RESF1: variants seen among roughly 807,000 people sequenced by gnomAD.
The protein encoded by RESF1 is gonad expressed transcript.
A neutral mutation model predicts 134.7 loss-of-function variants in RESF1; 65 were observed. That is an observed-to-expected ratio of 0.48 (90% CI 0.40 to 0.59). The LOEUF (loss-of-function observed/expected upper bound fraction) is 0.59. Among genes scored for constraint, RESF1 ranks in the 20% least tolerant of loss-of-function variants. The pLI, the probability that RESF1 is intolerant of heterozygous loss-of-function variation, is 0.00. For synonymous variants in RESF1, 762 were observed against 702.2 expected, an observed-to-expected ratio of 1.09 and a Z score of -1.35; for missense variants, 2,274 against 2,002.7, an observed-to-expected ratio of 1.14 and a Z score of -2.59.
intron 2 of RESF1, among the ~76,000 whole-genome samples, chr12:31,967,348 A>G (rs1311620959): frequency 6.6e-6 from 1 of 152,220 alleles, no homozygotes; most frequent in Non-Finnish European, 1.5e-5. Context: ...CTTAAATGAG[A>G]TAAAAGTATA....
In RESF1 at chr12:31,984,944, A is replaced by ACTCACGTC. The variant is rs1939926843; in HGVS notation, c.3991_3998dup (p.Leu1334HisfsTer4). 1 of 1,613,348 alleles carries ACTCACGTC rather than the reference A, an allele frequency of 6.2e-7. No homozygotes were observed. Among genetic ancestry groups the ACTCACGTC allele is most frequent in the South Asian group, 1.1e-5 (1 of 90,742 alleles). On this transcript the variant is annotated frameshift_variant, in exon 4 of 6. Transcript: ENST00000312561. LOFTEE classifies it high-confidence loss of function. ...CGACAGAAGAAACATGTAACACAGAACTCACGTCCACTAAAAACAAAAACA... is the reference window on the plus strand; with the variant it reads ...CGACAGAAGAAACATGTAACACAGAACTCACGTCCTCACGTCCACTAAAAACAAAAACA...
intron 2 of RESF1, among the ~76,000 whole-genome samples, chr12:31,968,450 CTT>C (rs34647835): frequency 0.42 from 58,631 of 140,246 alleles, 11,639 homozygotes; most frequent in Middle Eastern, 0.48. Context: ...TAGGACTTCT[CTT>C]TTTTTTTTTT....
chr12:31,974,720 C>T (rs1019806577), intron 3 of RESF1, among the ~76,000 whole-genome samples: 5 of 152,050 alleles, frequency 3.3e-5, no homozygotes, highest in Admixed American at 1.3e-4. Context: ...ACTCTCTCCT[C>T]CAAGTTGACG....
At chr12:31,978,663 A>G (rs1592257821) in intron 3 of RESF1, among the ~76,000 whole-genome samples, 1 of 151,146 alleles carries the variant, frequency 6.6e-6, no homozygotes, top group African/African-American at 2.4e-5. Flanking sequence ...CTCCTGCCTC[A>G]GCCTCCTGAG....
At position 31,992,362 on chromosome 12, in the gene RESF1, T is replaced by G. The variant is rs1179984656; in HGVS notation, c.5087-16T>G. The G allele has an allele frequency of 4.4e-6, 7 of 1,590,766 alleles. No individual in the cohort carries two copies. Among genetic ancestry groups the G allele is most frequent in the Non-Finnish European group, 6.0e-6 (7 of 1,167,040 alleles). On this transcript the variant is annotated splice_polypyrimidine_tract_variant and intron_variant, in intron 5 of 5. Transcript: ENST00000312561. ...ACATTGAGAAATAAAGTAAGTAAAG[T>G]TTTTATTTCCCTTAGATAATGTTAA...
Position 31,983,145 on chromosome 12 carries a change from T to G in RESF1, c.2190T>G (p.Ser730Arg). ...ATTCAAATTCTCAGAATAAAATAAGTAATCCCTCACAGCAGACAGCTTTGT... is the reference window on the plus strand; with the variant it reads ...ATTCAAATTCTCAGAATAAAATAAGGAATCCCTCACAGCAGACAGCTTTGT... Reference protein sequence around the residue: ...VGNSNSQNKISNPSQQTALSM... With the variant: ...VGNSNSQNKIRNPSQQTALSM... Residue 730 changes from serine (S) to arginine (R), a missense_variant, in exon 4 of 6, where the codon AGT becomes AGG. Transcript: ENST00000312561. 1.9e-6 allele frequency: 3 copies of G among 1,611,588 alleles called. No homozygotes were observed. The highest frequency in any genetic ancestry group is 2.5e-6 in the Non-Finnish European group (3 of 1,179,098).
rs371644477 is a variant in RESF1, at chr12:31,981,347, A to T, written c.392A>T (p.His131Leu). Reference sequence around the variant, plus strand: ...CCAATGAGGAATCCTGTGCATTCTCATATAGGGGCAACTGTATCTCATCAA... The same window carrying T: ...CCAATGAGGAATCCTGTGCATTCTCTTATAGGGGCAACTGTATCTCATCAA... The part of the protein sequence containing the change: ...NSPMRNPVHS[H>L]IGATVSHQTD... Residue 131 changes from histidine to leucine, a missense_variant, in exon 4 of 6, where the codon CAT (histidine) becomes CTT (leucine). Physicochemically the swap from His to Leu is moderately conservative, Grantham distance 99. Transcript: ENST00000312561. 12 of 1,614,038 alleles carry T rather than the reference A, an allele frequency of 7.4e-6. No homozygotes were observed. Among genetic ancestry groups the T allele is most frequent in the African/African-American group, 1.3e-5 (1 of 74,944 alleles).
Position 31,962,245 on chromosome 12 carries a change from GT to G in RESF1, c.-247+1375del, listed in dbSNP as rs1939289538. ...TAAAAAAAAAAAAAAAAAAGCATTT[GT>G]GAAGGTGAATTTCAAGAATCTAATC... On this transcript the variant is annotated intron_variant, in intron 2 of 5. Coordinates refer to ENST00000312561, the MANE Select transcript of RESF1 (RefSeq NM_018169.4). Among the ~76,000 whole-genome samples the G allele has an allele frequency of 2.0e-5, 3 of 148,930 alleles. No individual in the cohort carries two copies. In the South Asian group the frequency reaches 6.4e-4, roughly 32 times the overall value.
intron 3 of RESF1, among the ~76,000 whole-genome samples, 176 bp downstream of exon 3, chr12:31,970,532 C>A (rs1252808333): frequency 6.6e-6 from 1 of 152,160 alleles, no homozygotes; most frequent in Non-Finnish European, 1.5e-5. Flanking sequence ...TTTTGATGCT[C>A]TTTTAGGTAT....
intron 3 of RESF1, among the ~76,000 whole-genome samples, chr12:31,972,180 G>A (rs1304421307): frequency 6.6e-6 from 1 of 152,150 alleles, no homozygotes; most frequent in African/African-American, 2.4e-5. Context: ...AACTGATAAG[G>A]TGTTTCCCTG....
chr12:31,965,258 G>T (rs946112827), intron 2 of RESF1, among the ~76,000 whole-genome samples: 3 of 152,092 alleles, frequency 2.0e-5, no homozygotes, highest in Non-Finnish European at 4.4e-5. Flanking sequence ...CTCCCTGCCG[G>T]CTACTCCCTT....
intron 5 of RESF1, 46 bp downstream of exon 5, chr12:31,987,368 G>A: frequency 1.9e-6 from 2 of 1,051,170 alleles, no homozygotes; most frequent in Non-Finnish European, 1.5e-6. Context: ...TCCCTATCTG[G>A]TATATGGAAA....
chr12:31,985,521 C>A lies in RESF1; in HGVS notation c.4566C>A (p.His1522Gln). 6.2e-7 allele frequency: 1 copy of A among 1,601,814 alleles called. No homozygotes were observed. Among genetic ancestry groups the A allele is most frequent in the Admixed American group, 1.8e-5 (1 of 56,324 alleles). Residue 1522 changes from histidine to glutamine, a missense_variant, in exon 4 of 6, where the codon CAC becomes CAA. Coordinates refer to ENST00000312561, the MANE Select transcript of RESF1 (RefSeq NM_018169.4). The stretch of plus-strand genomic sequence containing the variant: ...GCCATGGTAAAAACCTCAAAATCCA[C>A]CATTCTCAGGAGTCTAAAACATACA... ...LTSHGKNLKI[H>Q]HSQESKTYNI... is the part of the protein sequence containing the mutation.
intron 3 of RESF1, among the ~76,000 whole-genome samples, chr12:31,978,626 A>G (rs1251002617): frequency 1.3e-5 from 2 of 151,072 alleles, no homozygotes; most frequent in African/African-American, 4.9e-5. Flanking sequence ...GCTCATTGCA[A>G]CCTCCACCTC....
chr12:31,976,669 C>T (rs916847572), intron 3 of RESF1, among the ~76,000 whole-genome samples: 10 of 151,672 alleles, frequency 6.6e-5, no homozygotes, highest in Admixed American at 3.3e-4. Flanking sequence ...GGTGACAGAG[C>T]GAGACTCCAT....
chr12:31,972,758 A>G (rs1939541062), intron 3 of RESF1, among the ~76,000 whole-genome samples: 1 of 152,178 alleles, frequency 6.6e-6, no homozygotes, highest in Non-Finnish European at 1.5e-5. Flanking sequence ...ATTGCTTGTT[A>G]TGTGGGGTGA....
At position 31,985,636 on chromosome 12, in the gene RESF1, A is replaced by G; in HGVS notation, c.4681A>G (p.Ile1561Val). Residue 1561 changes from isoleucine to valine, a missense_variant, in exon 4 of 6, where the codon ATA becomes GTA. Ile to Val is a conservative substitution (Grantham distance 29, BLOSUM62 3). Coordinates refer to ENST00000312561, the MANE Select transcript of RESF1 (RefSeq NM_018169.4). ...GACTAAATTAGACAAATTAACCAATATAAGCAACGAAGCTCAATTCAGCCA... is the reference window on the plus strand; with the variant it reads ...GACTAAATTAGACAAATTAACCAATGTAAGCAACGAAGCTCAATTCAGCCA... ...DKTKLDKLTN[I>V]SNEAQFSQMP... 6.2e-7 allele frequency: 1 copy of G among 1,611,986 alleles called. No homozygotes were observed. The highest frequency in any genetic ancestry group is 8.5e-7 in the Non-Finnish European group (1 of 1,179,480).
intron 2 of RESF1, among the ~76,000 whole-genome samples, chr12:31,964,910 A>G (rs966281691): frequency 6.6e-6 from 1 of 152,096 alleles, no homozygotes; most frequent in Non-Finnish European, 1.5e-5. Flanking sequence ...CCATTGATCA[A>G]TGCCTGTCCT....
chr12:31,983,808 CTT>C lies in RESF1; in HGVS notation c.2855_2856del (p.Phe952TrpfsTer6), dbSNP rs1468529700. The stretch of plus-strand genomic sequence containing the variant: ...TAGATAATACCACTGAAAATAAAGA[CTT>C]TGGTTTTCAAAAAGATAAACCTGTA... ...QLDNTTENKDFGFQKDKPVQC... is the reference protein window; with the variant it reads ...QLDNTTENKDXGFQKDKPVQC... On this transcript the variant is annotated frameshift_variant, in exon 4 of 6. Transcript: ENST00000312561. LOFTEE classifies it high-confidence loss of function. 6.2e-7 allele frequency: 1 copy of C among 1,612,308 alleles called. No individual in the cohort carries two copies. The highest frequency in any genetic ancestry group is 8.5e-7 in the Non-Finnish European group (1 of 1,179,734).
Sources: gnomAD v4.1 joint callset for allele counts (sites outside exome capture counted in the v4.1 genomes callset) on GRCh38, gnomAD v4.1.1 for gene constraint, MANE v1.5 for transcripts, NCBI Gene and HGNC (gene_info 2026-07-23, HGNC 2026-07-21) for gene names.